Variants in PLOD2 observed in about 807,000 individuals in gnomAD.
PLOD2 encodes lysine hydroxylase 2.
A neutral mutation model predicts 101.0 loss-of-function variants in PLOD2; 65 were observed. The observed-to-expected ratio is 0.64, with a 90% CI of 0.53 to 0.79. The LOEUF is 0.79. Among genes scored for constraint, PLOD2 ranks in the 30% least tolerant of loss-of-function variants. The probability of loss-of-function intolerance (pLI) is 0.00; values close to 1 mark genes in which losing one functional copy is unlikely to be tolerated. For missense variants in PLOD2, 909 were observed against 914.6 expected (o/e 0.99, Z 0.08); for synonymous variants, 314 against 302.9 (o/e 1.04, Z -0.38).
At chr3:146,094,245 A>C (rs1937072901) in intron 7 of PLOD2, among the ~76,000 whole-genome samples, 1 of 152,216 alleles carries the variant, frequency 6.6e-6, no homozygotes, top group Non-Finnish European at 1.5e-5. Context: ...CCTTTTAAAA[A>C]TCATATCCAA....
chr3:146,077,237 A>G, intron 14 of PLOD2: 2 of 898,834 alleles, frequency 2.2e-6, no homozygotes, highest in Non-Finnish European at 1.3e-6. Flanking sequence ...GCAATGAATT[A>G]TACCTCTTTT....
At chr3:146,146,579 G>A (rs1440732624) in intron 1 of PLOD2, among the ~76,000 whole-genome samples, 3 of 152,120 alleles carry the variant, frequency 2.0e-5, no homozygotes, top group Non-Finnish European at 4.4e-5. Context: ...AGCAGCAAAG[G>A]CTGTGGCTGA....
intron 1 of PLOD2, among the ~76,000 whole-genome samples, chr3:146,127,272 C>A (rs1450973378): frequency 6.6e-6 from 1 of 151,952 alleles, no homozygotes; most frequent in African/African-American, 2.4e-5. Flanking sequence ...TATCCATTAC[C>A]CACATAGTGA....
At chr3:146,093,195 TACTGAAAC>T (rs1937036783) in intron 7 of PLOD2, among the ~76,000 whole-genome samples, 1 of 152,198 alleles carries the variant, frequency 6.6e-6, no homozygotes, top group African/African-American at 2.4e-5. Flanking sequence ...ATTCTTATTG[TACTGAAAC>T]ACTGAAACAA....
At chr3:146,136,015 C>A (rs374976244) in intron 1 of PLOD2, among the ~76,000 whole-genome samples, 7 of 151,978 alleles carry the variant, frequency 4.6e-5, no homozygotes, top group African/African-American at 1.7e-4. Context: ...ACATTTTCTC[C>A]CCACTTACCA....
chr3:146,089,387 T>C (rs773777367), intron 8 of PLOD2, among the ~76,000 whole-genome samples: 4 of 151,544 alleles, frequency 2.6e-5, no homozygotes, highest in Non-Finnish European at 5.9e-5. Context: ...TGGGCAATAT[T>C]TGGCAAAAGG....
In PLOD2 at chr3:146,121,210, T is replaced by A; in HGVS notation, c.240A>T (p.Gly80=). 6.2e-7 allele frequency: 1 copy of A among 1,610,760 alleles called. No homozygotes were observed. Among genetic ancestry groups the A allele is most frequent in the Non-Finnish European group, 8.5e-7 (1 of 1,177,108 alleles). ...GQGEEWRGGD[G]INSIGGGQKV... Reference sequence around the variant, plus strand: ...TCTGGCCCCCTCCAATACTATTAATTCCATCACCACCTCTCCATTCTTCTC... The same window carrying A: ...TCTGGCCCCCTCCAATACTATTAATACCATCACCACCTCTCCATTCTTCTC... Residue 80 remains glycine, a synonymous_variant, in exon 3 of 20, where the codon GGA becomes GGT. Transcript: ENST00000282903.
At chr3:146,079,845 A>G (rs186997232) in intron 12 of PLOD2, among the ~76,000 whole-genome samples, 5 of 152,150 alleles carry the variant, frequency 3.3e-5, no homozygotes, top group African/African-American at 1.2e-4. Context: ...AAATTCTCCA[A>G]AATTATATTC....
intron 18 of PLOD2, 32 bp from the exon 19 acceptor site, chr3:146,071,199 T>C (rs1002279604): frequency 6.2e-7 from 1 of 1,610,902 alleles, no homozygotes; most frequent in Non-Finnish European, 8.5e-7. Context: ...GTGGATTTGC[T>C]TATTAATAAA....
At chr3:146,149,131 C>T (rs2108137730) in intron 1 of PLOD2, among the ~76,000 whole-genome samples, 1 of 152,318 alleles carries the variant, frequency 6.6e-6, no homozygotes, top group South Asian at 2.1e-4. Flanking sequence ...TCATTCAAGT[C>T]ACATATTTTG....
At chr3:146,100,642 T>C (rs1937353834) in intron 7 of PLOD2, among the ~76,000 whole-genome samples, 1 of 152,194 alleles carries the variant, frequency 6.6e-6, no homozygotes, top group Non-Finnish European at 1.5e-5. Context: ...ATGAAACTTC[T>C]GCAAAGTTGA....
chr3:146,129,112 C>T (rs191119699), intron 1 of PLOD2, among the ~76,000 whole-genome samples: 188 of 152,088 alleles, frequency 1.2e-3, no homozygotes, highest in African/African-American at 4.4e-3. Context: ...CTACAACTAA[C>T]TGATTTTATG....
chr3:146,151,889 A>G (rs1440391808), intron 1 of PLOD2, among the ~76,000 whole-genome samples: 3 of 152,184 alleles, frequency 2.0e-5, no homozygotes, highest in Non-Finnish European at 4.4e-5. Context: ...TTAATTACCA[A>G]AATTTCACAG....
rs532037875 is a variant in PLOD2, at chr3:146,155,280, C to T, written c.109+5601G>A. On this transcript the variant is annotated intron_variant, in intron 1 of 19. Coordinates refer to ENST00000282903, the MANE Select transcript of PLOD2 (RefSeq NM_182943.3). ...TTCAGGCTGTAGTGAGCTATGATAG[C>T]GTCACTGCATTCTAGCCTGACCTAC... Among the ~76,000 whole-genome samples the T allele has an allele frequency of 7.2e-5, 11 of 152,032 alleles. No homozygotes were observed. In the East Asian group the frequency reaches 1.5e-3, roughly 21 times the overall value.
chr3:146,136,530 A>G (rs1047259533), intron 1 of PLOD2, among the ~76,000 whole-genome samples: 1 of 152,196 alleles, frequency 6.6e-6, no homozygotes. Flanking sequence ...CATCCCCAAG[A>G]TATCTCATTA....
chr3:146,084,520 T>C (rs1217881951), intron 11 of PLOD2, among the ~76,000 whole-genome samples: 1 of 152,130 alleles, frequency 6.6e-6, no homozygotes, highest in African/African-American at 2.4e-5. Flanking sequence ...TGTTAATACA[T>C]GTACTTACAA....
intron 1 of PLOD2, among the ~76,000 whole-genome samples, chr3:146,136,608 G>A (rs2031245808): frequency 1.3e-5 from 2 of 152,038 alleles, no homozygotes; most frequent in Non-Finnish European, 2.9e-5. Context: ...ATACAACACT[G>A]GTCCCATAAT....
intron 6 of PLOD2, among the ~76,000 whole-genome samples, chr3:146,103,849 AC>A (rs1398791837): frequency 1.3e-5 from 2 of 150,994 alleles, no homozygotes; most frequent in Non-Finnish European, 3.0e-5. Flanking sequence ...ACACACACAC[AC>A]ACACACACAC....
chr3:146,090,544 A>G (rs1425714751), intron 8 of PLOD2, among the ~76,000 whole-genome samples: 4 of 151,698 alleles, frequency 2.6e-5, no homozygotes, highest in Non-Finnish European at 4.4e-5. Flanking sequence ...GCAAAAAAAG[A>G]TCAGGATAAA....
Sources: allele counts gnomAD v4.1 joint callset (sites outside exome capture counted in the v4.1 genomes callset), GRCh38; gene constraint gnomAD v4.1.1; transcripts MANE v1.5; gene names NCBI Gene and HGNC (gene_info 2026-07-23, HGNC 2026-07-21).